WDR17: variants seen among roughly 807,000 people sequenced by gnomAD.
WDR17 encodes WD repeat domain 17, also known as WD repeat-containing protein 17.
Under a neutral mutation model 161.7 loss-of-function variants are expected in WDR17, and 143 were observed. That is an observed-to-expected ratio of 0.88 (90% CI 0.77 to 1.02). The LOEUF (loss-of-function observed/expected upper bound fraction) is 1.02, where lower values mean the gene tolerates loss of function less well. Ranked by LOEUF, WDR17 falls within the 50% of genes least tolerant of loss-of-function variation. WDR17 has a pLI of 0.00. For synonymous variants in WDR17, 517 were observed against 515.6 expected (o/e 1.00, Z -0.04); for missense variants, 1,469 against 1,520.9 (o/e 0.97, Z 0.57).
intron 11 of WDR17, among the ~76,000 whole-genome samples, chr4:176,143,384 G>T (rs946034219): frequency 9.9e-5 from 15 of 151,910 alleles, no homozygotes; most frequent in African/African-American, 3.6e-4. Context: ...ATTCATCTTG[G>T]CCAGGTATGG....
rs1355865301 is a variant in WDR17, at chr4:176,151,840, A to G, written c.2333A>G (p.Lys778Arg). 1 of 1,603,438 alleles carries G rather than the reference A, an allele frequency of 6.2e-7. No homozygotes were observed. The highest frequency in any genetic ancestry group is 1.3e-5 in the African/African-American group (1 of 74,362). Residue 778 changes from lysine to arginine, a missense_variant, in exon 17 of 29, where the codon AAG (lysine) becomes AGG (arginine). Physicochemically the swap from Lys to Arg is conservative, Grantham distance 26 (BLOSUM62 2). Transcript: ENST00000508596. Reference sequence around the variant, plus strand: ...GAAGCTCAAGAACTAACAACAGTCAAGATGTCTAAATTTGGTGGTGGTATT... The same window carrying G: ...GAAGCTCAAGAACTAACAACAGTCAGGATGTCTAAATTTGGTGGTGGTATT... ...TSEAQELTTV[K>R]MSKFGGGIGV...
chr4:176,091,075 G>A (rs919384614), intron 1 of WDR17, among the ~76,000 whole-genome samples: 18 of 152,160 alleles, frequency 1.2e-4, no homozygotes, highest in African/African-American at 4.3e-4. Context: ...GCATGTCACG[G>A]TGCTGCAGAG....
intron 28 of WDR17, among the ~76,000 whole-genome samples, chr4:176,178,455 CCTTTT>C (rs1751776458): frequency 6.6e-6 from 1 of 152,128 alleles, no homozygotes; most frequent in Non-Finnish European, 1.5e-5. Flanking sequence ...TTTCTTTCCT[CCTTTT>C]CTTAAGGTTT....
In WDR17 at chr4:176,150,012, C is replaced by A. The variant is rs538112753; in HGVS notation, c.2048-31C>A. The stretch of plus-strand genomic sequence containing the variant: ...TTTCTAAATAAGTTTTATGAGAAAT[C>A]TTTTCTCACTGAATTATGTCTGTTC... On this transcript the variant is annotated intron_variant, in intron 14 of 28. Coordinates refer to ENST00000508596, the MANE Select transcript of WDR17 (RefSeq NM_181265.4). The A allele has an allele frequency of 1.6e-5, 25 of 1,611,234 alleles. No homozygotes were observed. The South Asian group carries it at 2.3e-4, about 15-fold the overall frequency.
chr4:176,070,921 C>T (rs921809031), intron 1 of WDR17, among the ~76,000 whole-genome samples: 2 of 152,134 alleles, frequency 1.3e-5, no homozygotes, highest in Non-Finnish European at 2.9e-5. Context: ...ATTTTTAACA[C>T]CTTTTCCCAG....
At position 176,163,151 on chromosome 4, in the gene WDR17, A is replaced by G; in HGVS notation, c.2851-3A>G. On this transcript the variant is annotated splice_polypyrimidine_tract_variant and splice_region_variant and intron_variant, in intron 21 of 28. Transcript: ENST00000508596. ...TGAAGAAATTATTTTCTTATTGAGC[A>G]AGCTTGCTATGGCATACCTGATTCG... 6.2e-7 allele frequency: 1 copy of G among 1,614,112 alleles called. No homozygotes were observed. Among genetic ancestry groups the G allele is most frequent in the Non-Finnish European group, 8.5e-7 (1 of 1,179,984 alleles).
chr4:176,141,660 T>C (rs28535179), intron 10 of WDR17, among the ~76,000 whole-genome samples: 39,798 of 151,990 alleles, frequency 0.26, 5,447 homozygotes, highest in African/African-American at 0.33. Flanking sequence ...CTTGAACCCC[T>C]GACCTCAAGT....
Position 176,177,655 on chromosome 4 carries a change from G to A in WDR17, c.3732+1G>A. On this transcript the variant is annotated splice_donor_variant, in intron 28 of 28. Transcript: ENST00000508596. LOFTEE classifies it high-confidence loss of function. ...TTGTCTTACGGGATTAAAAATCCAGGTAAAGCCTAACATCAGACATAACAT... is the reference window on the plus strand; with the variant it reads ...TTGTCTTACGGGATTAAAAATCCAGATAAAGCCTAACATCAGACATAACAT... 6.3e-7 allele frequency: 1 copy of A among 1,579,722 alleles called. No individual in the cohort carries two copies. Among genetic ancestry groups the A allele is most frequent in the Non-Finnish European group, 8.5e-7 (1 of 1,170,022 alleles).
chr4:176,093,289 C>T (rs1736376218), intron 1 of WDR17, among the ~76,000 whole-genome samples: 1 of 152,046 alleles, frequency 6.6e-6, no homozygotes, highest in South Asian at 2.1e-4. Flanking sequence ...TCAGTGCAAT[C>T]CCCATCAAAA....
At chr4:176,107,634 A>G (rs1738967139) in intron 1 of WDR17, among the ~76,000 whole-genome samples, 1 of 151,834 alleles carries the variant, frequency 6.6e-6, no homozygotes, top group Non-Finnish European at 1.5e-5. Flanking sequence ...ACACTACAAC[A>G]TGGATGAAAC....
intron 23 of WDR17, among the ~76,000 whole-genome samples, chr4:176,169,059 A>G (rs1750313655): frequency 6.6e-6 from 1 of 152,212 alleles, no homozygotes; most frequent in Admixed American, 6.5e-5. Flanking sequence ...CAGAGAAGGT[A>G]AGGAATTTGC....
At position 176,163,276 on chromosome 4, in the gene WDR17, C is replaced by T. The variant is rs1749311874; in HGVS notation, c.2973C>T (p.Cys991=). ...CCTTAGAATTACTGGCGAGAAAGTG[C>T]ATGATGATTTCAGTATGGTAAGAAT... ...HYALELLARK[C]MMISVWNLAA... Residue 991 remains cysteine, a synonymous_variant, in exon 22 of 29, where the codon TGC becomes TGT. Transcript: ENST00000508596. 1 of 1,609,342 alleles carries T rather than the reference C, an allele frequency of 6.2e-7. No homozygotes were observed. Among genetic ancestry groups the T allele is most frequent in the Non-Finnish European group, 8.5e-7 (1 of 1,178,408 alleles).
At chr4:176,094,498 A>T (rs922726155) in intron 1 of WDR17, among the ~76,000 whole-genome samples, 1 of 152,230 alleles carries the variant, frequency 6.6e-6, no homozygotes, top group Non-Finnish European at 1.5e-5. Flanking sequence ...GCAAGAGCTC[A>T]CTACTCACAG....
chr4:176,105,009 C>T (rs1478094835), intron 1 of WDR17, among the ~76,000 whole-genome samples: 1 of 150,296 alleles, frequency 6.7e-6, no homozygotes, highest in South Asian at 2.1e-4. Context: ...TCCAAAGACA[C>T]AAATAGATTG....
At chr4:176,169,831 G>A (rs1288846938) in intron 23 of WDR17, among the ~76,000 whole-genome samples, 1 of 152,186 alleles carries the variant, frequency 6.6e-6, no homozygotes, top group Non-Finnish European at 1.5e-5. Flanking sequence ...GAAATTACCA[G>A]TGGGTTGTGA....
Position 176,148,297 on chromosome 4 carries a change from G to T in WDR17, c.1859G>T (p.Cys620Phe). 1 of 1,614,004 alleles carries T rather than the reference G, an allele frequency of 6.2e-7. No individual in the cohort carries two copies. Among genetic ancestry groups the T allele is most frequent in the Non-Finnish European group, 8.5e-7 (1 of 1,179,940 alleles). Residue 620 changes from cysteine to phenylalanine, a missense_variant, in exon 13 of 29, where the codon TGT becomes TTT. By Grantham distance (205) the Cys-to-Phe change is radical (BLOSUM62 -2). Transcript: ENST00000508596. ...IKVWDTREGT[C>F]VDTVYDHGAD... is the part of the protein sequence containing the mutation. ...GTATGGGACACTCGAGAAGGAACTT[G>T]TGTGGATACTGTGTATGATCACGGT... is the stretch of plus-strand genomic sequence containing the variant.
intron 1 of WDR17, among the ~76,000 whole-genome samples, chr4:176,107,697 A>C (rs1738977935): frequency 6.6e-6 from 1 of 151,970 alleles, no homozygotes; most frequent in African/African-American, 2.4e-5. Context: ...CAGATAAATC[A>C]TGTTTCTTTG....
intron 19 of WDR17, among the ~76,000 whole-genome samples, chr4:176,160,509 A>G (rs937825237): frequency 6.6e-6 from 1 of 152,032 alleles, no homozygotes; most frequent in Non-Finnish European, 1.5e-5. Context: ...TGTAGTGGAG[A>G]TGGGGTTTCA....
At chr4:176,150,250 A>T (rs1165903346) in intron 15 of WDR17, 77 bp downstream of exon 15, 3 of 1,565,956 alleles carry the variant, frequency 1.9e-6, no homozygotes, top group Admixed American at 3.5e-5. Context: ...TTATTCACAT[A>T]TTTACATGTA....
Sources: gnomAD v4.1 joint callset for allele counts (sites outside exome capture counted in the v4.1 genomes callset) on GRCh38, gnomAD v4.1.1 for gene constraint, MANE v1.5 for transcripts, NCBI Gene and HGNC (gene_info 2026-07-23, HGNC 2026-07-21) for gene names.